Variants in PDZRN4 observed in about 807,000 individuals in gnomAD.
PDZRN4 encodes the protein PDZ domain containing ring finger 4.
PDZRN4 carries 70 observed loss-of-function variants against 99.0 expected under a neutral mutation model. That is an observed-to-expected ratio of 0.71 (90% CI 0.58 to 0.86). The LOEUF (loss-of-function observed/expected upper bound fraction) is 0.86. Ranked by LOEUF, PDZRN4 falls within the 40% of genes least tolerant of loss-of-function variation. PDZRN4 has a pLI of 0.00. For synonymous variants in PDZRN4, 551 were observed against 501.6 expected, an observed-to-expected ratio of 1.10 and a Z score of -1.32; for missense variants, 1,474 against 1,331.2, an observed-to-expected ratio of 1.11 and a Z score of -1.67.
chr12:41,244,285 C>T (rs982418976), intron 3 of PDZRN4, among the ~76,000 whole-genome samples: 2 of 152,122 alleles, frequency 1.3e-5, no homozygotes, highest in Non-Finnish European at 2.9e-5. Context: ...GCCATTGTGT[C>T]GCTCTCCTAG....
chr12:41,353,206 C>T (rs569671157), intron 3 of PDZRN4, among the ~76,000 whole-genome samples: 1 of 152,026 alleles, frequency 6.6e-6, no homozygotes, highest in Admixed American at 6.6e-5. Flanking sequence ...CTTGCAATGA[C>T]TGAATGCACC....
At chr12:41,387,593 A>G (rs1376167965) in intron 3 of PDZRN4, among the ~76,000 whole-genome samples, 1 of 152,154 alleles carries the variant, frequency 6.6e-6, no homozygotes, top group Non-Finnish European at 1.5e-5. Context: ...CTCCAACAAC[A>G]ACAACAACAA....
intron 3 of PDZRN4, among the ~76,000 whole-genome samples, chr12:41,325,562 G>T (rs984171516): frequency 3.3e-5 from 5 of 152,144 alleles, no homozygotes; most frequent in Non-Finnish European, 7.3e-5. Context: ...CAGCAAGGAG[G>T]TTGACAGCTA....
chr12:41,356,946 A>G (rs2121050729), intron 3 of PDZRN4, among the ~76,000 whole-genome samples: 1 of 152,128 alleles, frequency 6.6e-6, no homozygotes, highest in South Asian at 2.1e-4. Context: ...CCAATCTGCA[A>G]GTCCACAGTT....
chr12:41,381,336 C>G (rs947915611), intron 3 of PDZRN4, among the ~76,000 whole-genome samples: 1 of 152,004 alleles, frequency 6.6e-6, no homozygotes, highest in Admixed American at 6.6e-5. Flanking sequence ...CTTTCTCTCT[C>G]TCTCTCTCCC....
intron 3 of PDZRN4, among the ~76,000 whole-genome samples, chr12:41,433,622 T>A (rs1363251956): frequency 6.6e-6 from 1 of 152,002 alleles, no homozygotes; most frequent in Non-Finnish European, 1.5e-5. Flanking sequence ...TCAAGCGGAG[T>A]TACGTACGGA....
chr12:41,405,967 G>T (rs1404096406), intron 3 of PDZRN4, among the ~76,000 whole-genome samples: 1 of 151,782 alleles, frequency 6.6e-6, no homozygotes, highest in Non-Finnish European at 1.5e-5. Context: ...GGGGGCAGGG[G>T]AAACATGGGT....
intron 3 of PDZRN4, among the ~76,000 whole-genome samples, chr12:41,402,008 T>C (rs1023856474): frequency 6.7e-6 from 1 of 149,442 alleles, no homozygotes; most frequent in African/African-American, 2.5e-5. Flanking sequence ...AAGCACCCTA[T>C]GGATGTGGCG....
chr12:41,554,191 A>G (rs896655754), intron 6 of PDZRN4, among the ~76,000 whole-genome samples: 1 of 152,230 alleles, frequency 6.6e-6, no homozygotes, highest in African/African-American at 2.4e-5. Context: ...CTCTTGTAAT[A>G]TGTACAGAGA....
intron 3 of PDZRN4, among the ~76,000 whole-genome samples, chr12:41,247,501 T>C (rs900273563): frequency 2.0e-5 from 3 of 152,208 alleles, no homozygotes; most frequent in Non-Finnish European, 4.4e-5. Context: ...GGGGTTCCTT[T>C]AAAATGTTTT....
chr12:41,342,440 C>G (rs1449179872), intron 3 of PDZRN4, among the ~76,000 whole-genome samples: 1 of 151,370 alleles, frequency 6.6e-6, no homozygotes, highest in Non-Finnish European at 1.5e-5. Context: ...CAAACTATAG[C>G]AAACTATACG....
intron 3 of PDZRN4, among the ~76,000 whole-genome samples, chr12:41,360,394 T>G (rs1166420182): frequency 9.9e-5 from 15 of 152,076 alleles, no homozygotes; most frequent in Admixed American, 9.8e-4. Context: ...AGGACACAAG[T>G]CTCCATCTCT....
chr12:41,494,462 G>A (rs1327103289), intron 3 of PDZRN4, among the ~76,000 whole-genome samples: 5 of 152,078 alleles, frequency 3.3e-5, no homozygotes, highest in African/African-American at 9.7e-5. Context: ...TTTTGTTACT[G>A]TTGTTGTTAT....
chr12:41,426,228 C>G (rs1952535197), intron 3 of PDZRN4, among the ~76,000 whole-genome samples: 2 of 152,200 alleles, frequency 1.3e-5, no homozygotes, highest in African/African-American at 4.8e-5. Flanking sequence ...TCACCAACAG[C>G]TGGGCCAATT....
intron 3 of PDZRN4, among the ~76,000 whole-genome samples, chr12:41,275,602 G>A (rs564776753): frequency 1.2e-4 from 18 of 152,056 alleles, no homozygotes; most frequent in Middle Eastern, 3.4e-3. Context: ...TGTGCTAGGC[G>A]GTTGGTGTAA....
chr12:41,486,697 A>G (rs1347074713), intron 3 of PDZRN4, among the ~76,000 whole-genome samples: 2 of 152,130 alleles, frequency 1.3e-5, no homozygotes, highest in African/African-American at 2.4e-5. Flanking sequence ...TCAGAGTAAG[A>G]AAAGGGGGGA....
intron 3 of PDZRN4, chr12:41,459,936 T>A (rs1952854682): frequency 7.9e-7 from 1 of 1,264,402 alleles, no homozygotes; most frequent in East Asian, 5.7e-5. Context: ...GGAGAAAAAA[T>A]GACCTTTGTT....
At chr12:41,514,758 C>T (rs764147523) in intron 5 of PDZRN4, among the ~76,000 whole-genome samples, 1 of 152,064 alleles carries the variant, frequency 6.6e-6, no homozygotes, top group Non-Finnish European at 1.5e-5. Flanking sequence ...GACCACTGTC[C>T]AGTTATAACA....
intron 3 of PDZRN4, among the ~76,000 whole-genome samples, chr12:41,466,776 T>G (rs1337510606): frequency 6.6e-6 from 1 of 150,468 alleles, no homozygotes; most frequent in Non-Finnish European, 1.5e-5. Flanking sequence ...TTTGGTTTTG[T>G]TTTGTTTTCT....
Sources: gnomAD v4.1 joint callset for allele counts (sites outside exome capture counted in the v4.1 genomes callset) on GRCh38, gnomAD v4.1.1 for gene constraint, MANE v1.5 for transcripts, NCBI Gene and HGNC (gene_info 2026-07-23, HGNC 2026-07-21) for gene names.